Variants in RALGPS2 observed in about 807,000 individuals in gnomAD.
RALGPS2 encodes the protein Ral GEF with PH domain and SH3 binding motif 2.
A neutral mutation model predicts 86.8 loss-of-function variants in RALGPS2; 43 were observed. The ratio of observed to expected loss-of-function variants is 0.50; its 90% CI spans 0.39 to 0.64. RALGPS2 has a LOEUF of 0.64. RALGPS2 is among the 30% of genes least tolerant of loss of function. The probability of loss-of-function intolerance (pLI) is 0.00; values close to 1 mark genes in which losing one functional copy is unlikely to be tolerated. For missense variants in RALGPS2, 536 were observed against 694.6 expected (o/e 0.77, Z 2.57); for synonymous variants, 243 against 231.3 (o/e 1.05, Z -0.46).
At position 178,917,609 on chromosome 1, in the gene RALGPS2, T is replaced by C. The variant is rs965350753; in HGVS notation, c.*1250T>C. The C allele has an allele frequency of 6.6e-6, 1 of 152,212 alleles. No homozygotes were observed. Among genetic ancestry groups the C allele is most frequent in the Non-Finnish European group, 1.5e-5 (1 of 68,014 alleles). 9.4% of individuals were successfully genotyped at this position (152,212 alleles called of 1,614,324 possible). A position where few individuals can be genotyped will look rare whatever the true frequency, so the allele number is the denominator to read the frequency against. On this transcript the variant is annotated 3_prime_UTR_variant, in exon 20 of 20. Transcript: ENST00000367635. Reference sequence around the variant, plus strand: ...CCAAAACATTTTTCTGAAAATTTACTGTCGGTCTCTGACATGAAACCGTAT... The same window carrying C: ...CCAAAACATTTTTCTGAAAATTTACCGTCGGTCTCTGACATGAAACCGTAT...
intron 9 of RALGPS2, among the ~76,000 whole-genome samples, chr1:178,878,410 A>G (rs1272668241): frequency 6.6e-6 from 1 of 152,168 alleles, no homozygotes; most frequent in Non-Finnish European, 1.5e-5. Context: ...TCCTAAAACT[A>G]TCAGTGTGGA....
intron 10 of RALGPS2, chr1:178,879,683 G>A (rs1659152976): frequency 6.6e-6 from 1 of 152,068 alleles, no homozygotes; most frequent in Non-Finnish European, 1.5e-5. Flanking sequence ...CAGCTGCTTG[G>A]GAGGCTGAGG....
At chr1:178,913,779 T>G (rs1660709856) in intron 19 of RALGPS2, among the ~76,000 whole-genome samples, 1 of 152,212 alleles carries the variant, frequency 6.6e-6, no homozygotes, top group Non-Finnish European at 1.5e-5. Flanking sequence ...GGCTGTGTCC[T>G]GTAACTCCCA....
intron 1 of RALGPS2, among the ~76,000 whole-genome samples, chr1:178,736,673 G>A (rs1165656217): frequency 5.3e-5 from 8 of 152,190 alleles, no homozygotes; most frequent in Middle Eastern, 3.4e-3. Context: ...CAAGGTGGGC[G>A]GATTGCTTGA....
rs1647332252 is a variant in RALGPS2, at chr1:178,921,755, T to A, written c.*5396T>A. ...AATATGCAAATGTGAGTGTGCGATC[T>A]TCAGTGTGTCTGCATAAGCTAACTT... On this transcript the variant is annotated 3_prime_UTR_variant, in exon 20 of 20. Coordinates refer to ENST00000367635, the MANE Select transcript of RALGPS2 (RefSeq NM_152663.5). 1.3e-5 allele frequency: 2 copies of A among 152,116 alleles called. No individual in the cohort carries two copies. The highest frequency in any genetic ancestry group is 4.1e-4 in the South Asian group (2 of 4,834). 9.4% of individuals were successfully genotyped at this position (152,116 alleles called of 1,614,324 possible).
At chr1:178,887,799 A>G (rs1659551589) in intron 13 of RALGPS2, among the ~76,000 whole-genome samples, 1 of 152,230 alleles carries the variant, frequency 6.6e-6, no homozygotes, top group South Asian at 2.1e-4. Context: ...GTCACCTGAA[A>G]TACCTCTTAT....
intron 8 of RALGPS2, among the ~76,000 whole-genome samples, chr1:178,874,263 A>G (rs1435512277): frequency 1.3e-5 from 2 of 152,198 alleles, no homozygotes; most frequent in Non-Finnish European, 2.9e-5. Flanking sequence ...GTTTACCCCA[A>G]CATATTAAAA....
intron 4 of RALGPS2, among the ~76,000 whole-genome samples, chr1:178,807,138 G>C (rs1015472862): frequency 6.6e-6 from 1 of 152,160 alleles, no homozygotes; most frequent in Non-Finnish European, 1.5e-5. Flanking sequence ...TTCAAGTCCA[G>C]TCTGGCCAAC....
intron 4 of RALGPS2, among the ~76,000 whole-genome samples, chr1:178,798,706 G>A (rs1006143662): frequency 3.3e-5 from 5 of 152,052 alleles, no homozygotes; most frequent in Admixed American, 1.3e-4. Flanking sequence ...AACCCCACAC[G>A]TTTTGTGAAA....
intron 1 of RALGPS2, among the ~76,000 whole-genome samples, chr1:178,730,605 A>G (rs1572261890): frequency 6.6e-6 from 1 of 150,380 alleles, no homozygotes; most frequent in Non-Finnish European, 1.5e-5. Flanking sequence ...TTCTTGAACT[A>G]TCTTCTTGCT....
At chr1:178,856,190 CAG>C (rs139246466) in intron 8 of RALGPS2, among the ~76,000 whole-genome samples, 2,652 of 68,774 alleles carry the variant, frequency 0.039, 71 homozygotes, top group South Asian at 0.12. Flanking sequence ...TGTACTTTTC[CAG>C]AGAGAGAGAG....
chr1:178,888,548 T>A (rs16853437), intron 13 of RALGPS2, among the ~76,000 whole-genome samples: 3,318 of 152,272 alleles, frequency 0.022, 140 homozygotes, highest in African/African-American at 0.076. Context: ...AAATAAGTTA[T>A]CCTAATTATG....
At chr1:178,882,757 A>T (rs1411165617) in intron 10 of RALGPS2, among the ~76,000 whole-genome samples, 1 of 152,198 alleles carries the variant, frequency 6.6e-6, no homozygotes, top group East Asian at 1.9e-4. Context: ...TCAGAACTGG[A>T]TATATTATCC....
intron 5 of RALGPS2, among the ~76,000 whole-genome samples, chr1:178,810,670 T>C (rs1340105603): frequency 1.3e-5 from 2 of 152,016 alleles, no homozygotes; most frequent in African/African-American, 2.4e-5. Context: ...TTGTAAAATA[T>C]ATGTAAAATA....
intron 19 of RALGPS2, among the ~76,000 whole-genome samples, chr1:178,909,965 G>C (rs1463088473): frequency 6.6e-6 from 1 of 152,024 alleles, no homozygotes; most frequent in Non-Finnish European, 1.5e-5. Flanking sequence ...TCTCATAGTA[G>C]AGATCTTTTA....
At chr1:178,880,061 C>A (rs998013994) in intron 10 of RALGPS2, among the ~76,000 whole-genome samples, 1 of 151,952 alleles carries the variant, frequency 6.6e-6, no homozygotes, top group Non-Finnish European at 1.5e-5. Context: ...GCTTTATTAT[C>A]CCATTTGTTC....
chr1:178,826,241 A>G (rs1258521303), intron 7 of RALGPS2, among the ~76,000 whole-genome samples: 4 of 152,208 alleles, frequency 2.6e-5, no homozygotes, highest in African/African-American at 4.8e-5. Flanking sequence ...TTGCTATTGT[A>G]TATGTTTTAA....
intron 10 of RALGPS2, 143 bp from the exon 11 acceptor site, chr1:178,883,323 A>G: frequency 1.6e-6 from 1 of 615,992 alleles, no homozygotes; most frequent in Non-Finnish European, 2.8e-6. Flanking sequence ...AAAAAGAAGA[A>G]GATTGCTCTT....
At chr1:178,893,816 TAACA>T in intron 15 of RALGPS2, 99 bp from the exon 16 acceptor site, 4 of 757,134 alleles carry the variant, frequency 5.3e-6, no homozygotes, top group Non-Finnish European at 8.6e-6. Context: ...CTGAATAAAG[TAACA>T]AACTTTTAAA....
Sources: allele counts gnomAD v4.1 joint callset (sites outside exome capture counted in the v4.1 genomes callset), GRCh38; gene constraint gnomAD v4.1.1; transcripts MANE v1.5; gene names NCBI Gene and HGNC (gene_info 2026-07-23, HGNC 2026-07-21).